NECTIN3: variants seen among roughly 807,000 people sequenced by gnomAD.
NECTIN3 encodes nectin-3.
NECTIN3 carries 8 observed loss-of-function variants against 49.4 expected under a neutral mutation model. The ratio of observed to expected loss-of-function variants is 0.16; its 90% CI spans 0.10 to 0.29. NECTIN3 has a LOEUF of 0.29. Among genes scored for constraint, NECTIN3 ranks in the 10% least tolerant of loss-of-function variants. The pLI is 1.00. For missense variants in NECTIN3, 581 were observed against 654.6 expected (o/e 0.89, Z 1.23); for synonymous variants, 277 against 241.1 (o/e 1.15, Z -1.38).
At chr3:111,072,573 G>A in intron 1 of NECTIN3, 5 of 1,535,450 alleles carry the variant, frequency 3.3e-6, no homozygotes, top group Non-Finnish European at 4.4e-6. Flanking sequence ...TGAGCTGTGA[G>A]CCCAGAAACC....
At chr3:111,159,701 A>T (rs1442431540) in intron 7 of NECTIN3, among the ~76,000 whole-genome samples, 1 of 152,196 alleles carries the variant, frequency 6.6e-6, no homozygotes, top group Non-Finnish European at 1.5e-5. Context: ...CTTTCAGCTT[A>T]AAACACTTCG....
chr3:111,151,390 G>T (rs2034997692), intron 7 of NECTIN3, among the ~76,000 whole-genome samples: 1 of 150,954 alleles, frequency 6.6e-6, no homozygotes, highest in South Asian at 2.1e-4. Flanking sequence ...TTTAATGTCA[G>T]TGTCTATAAT....
intron 7 of NECTIN3, among the ~76,000 whole-genome samples, chr3:111,171,960 G>T (rs566753206): frequency 6.6e-6 from 1 of 152,224 alleles, no homozygotes; most frequent in South Asian, 2.1e-4. Context: ...TAAATATTCT[G>T]CATCTTCTTG....
At chr3:111,186,969 T>G (rs1363179437) in intron 7 of NECTIN3, among the ~76,000 whole-genome samples, 1 of 152,214 alleles carries the variant, frequency 6.6e-6, no homozygotes, top group African/African-American at 2.4e-5. Context: ...TGTACAGTAT[T>G]ATTTAAGACA....
At position 111,136,244 on chromosome 3, in the gene NECTIN3, G is replaced by C; in HGVS notation, c.*2029G>C. ...TAGGATTCTATATAAATCTCAACTG[G>C]AGTATAATCTGAAGGAAATTAGCAG... On this transcript the variant is annotated 3_prime_UTR_variant, in exon 6 of 6. Coordinates refer to ENST00000485303, the MANE Select transcript of NECTIN3 (RefSeq NM_015480.3). 1 of 960,540 alleles carries C rather than the reference G, an allele frequency of 1.0e-6. No homozygotes were observed. Among genetic ancestry groups the C allele is most frequent in the Non-Finnish European group, 1.2e-6 (1 of 807,690 alleles). The allele number at this position is 960,540 out of a possible 1,614,324, so 59.5% of individuals were successfully genotyped here. A position where few individuals can be genotyped will look rare whatever the true frequency, so the allele number is the denominator to read the frequency against.
At chr3:111,099,573 C>CT (rs1325720117) in intron 1 of NECTIN3, among the ~76,000 whole-genome samples, 16 of 152,246 alleles carry the variant, frequency 1.1e-4, no homozygotes, top group Non-Finnish European at 2.1e-4. Context: ...TATTTGAACA[C>CT]TTAATATGTG....
At chr3:111,191,288 A>G (rs1355437471), upstream of NECTIN3, among the ~76,000 whole-genome samples, 2 of 152,336 alleles carry the variant, frequency 1.3e-5, no homozygotes, top group African/African-American at 2.4e-5. Flanking sequence ...AAATAAAGAT[A>G]TTAGTTTTGT....
At chr3:111,111,960 C>G in intron 1 of NECTIN3, 70 bp from the exon 2 acceptor site, 1 of 914,966 alleles carries the variant, frequency 1.1e-6, no homozygotes. Context: ...CACAGGGGGT[C>G]AGGAAGGGAG....
At chr3:111,086,865 T>G (rs767433943) in intron 1 of NECTIN3, among the ~76,000 whole-genome samples, 10 of 152,184 alleles carry the variant, frequency 6.6e-5, no homozygotes, top group African/African-American at 1.2e-4. Flanking sequence ...TGAGCCTGTT[T>G]TATCTATTTA....
chr3:111,121,852 A>T (rs1401477349), intron 3 of NECTIN3, among the ~76,000 whole-genome samples: 1 of 152,120 alleles, frequency 6.6e-6, no homozygotes, highest in African/African-American at 2.4e-5. Flanking sequence ...TTATAGGTTT[A>T]TGAATATTCC....
At chr3:111,165,291 C>A (rs2035296765) in intron 7 of NECTIN3, among the ~76,000 whole-genome samples, 1 of 152,140 alleles carries the variant, frequency 6.6e-6, no homozygotes, top group South Asian at 2.1e-4. Context: ...GATCCGCCCA[C>A]CTCGGCCTCC....
intron 6 of NECTIN3, chr3:111,147,399 GC>G: frequency 6.6e-7 from 1 of 1,512,440 alleles, no homozygotes; most frequent in East Asian, 2.5e-5. Flanking sequence ...CCTTTGCAAT[GC>G]AGGATTGACC....
intron 5 of NECTIN3, among the ~76,000 whole-genome samples, chr3:111,144,687 A>G (rs985905546): frequency 6.6e-6 from 1 of 152,034 alleles, no homozygotes; most frequent in Non-Finnish European, 1.5e-5. Flanking sequence ...ATAATTTTTA[A>G]AAAGTTAAGC....
At chr3:111,133,550 C>T (rs2034466315) in intron 5 of NECTIN3, 85 bp from the exon 6 acceptor site, 2 of 1,485,778 alleles carry the variant, frequency 1.3e-6, no homozygotes, top group East Asian at 2.4e-5. Context: ...ATTAACTGTG[C>T]TGTCTTGTCA....
At chr3:111,167,605 A>T (rs1439042703) in intron 7 of NECTIN3, among the ~76,000 whole-genome samples, 1 of 152,178 alleles carries the variant, frequency 6.6e-6, no homozygotes, top group Non-Finnish European at 1.5e-5. Context: ...TAGGTTGATG[A>T]AGATGGTGAA....
chr3:111,111,973 G>T, intron 1 of NECTIN3, 57 bp from the exon 2 acceptor site: 6 of 1,143,536 alleles, frequency 5.2e-6, no homozygotes, highest in Non-Finnish European at 6.3e-6. Flanking sequence ...GAAGGGAGGA[G>T]AGTGTTGACC....
upstream of NECTIN3, among the ~76,000 whole-genome samples, chr3:111,191,658 A>G (rs936439086): frequency 6.6e-6 from 1 of 152,126 alleles, no homozygotes; most frequent in African/African-American, 2.4e-5. Flanking sequence ...TATGGCCTTT[A>G]AATCTATGTA....
chr3:111,143,835 T>G (rs899023204), intron 5 of NECTIN3, among the ~76,000 whole-genome samples: 3 of 152,038 alleles, frequency 2.0e-5, no homozygotes, highest in Non-Finnish European at 4.4e-5. Flanking sequence ...TACTATTCAT[T>G]GATTGAATGG....
intron 1 of NECTIN3, among the ~76,000 whole-genome samples, chr3:111,103,392 A>C (rs1485219409): frequency 1.3e-5 from 2 of 151,508 alleles, no homozygotes; most frequent in Non-Finnish European, 2.9e-5. Context: ...GTGCTATGTA[A>C]ATTTGTGTTT....
Sources: gnomAD v4.1 joint callset for allele counts (sites outside exome capture counted in the v4.1 genomes callset) on GRCh38, gnomAD v4.1.1 for gene constraint, MANE v1.5 for transcripts, NCBI Gene and HGNC (gene_info 2026-07-23, HGNC 2026-07-21) for gene names.